The following CSMD3 variants were observed in gnomAD, a reference collection of about 807,000 sequenced individuals.
The protein encoded by CSMD3 is CUB and Sushi multiple domains 3.
In CSMD3, 177 loss-of-function variants were observed where a neutral mutation model predicts 435.2. The ratio of observed to expected loss-of-function variants is 0.41; its 90% CI spans 0.36 to 0.46. The LOEUF is 0.46. Among genes scored for constraint, CSMD3 ranks in the 20% least tolerant of loss-of-function variants. CSMD3 has a pLI of 0.34. For synonymous variants in CSMD3, 1,656 were observed against 1,520.5 expected (o/e 1.09, Z -2.07); for missense variants, 4,265 against 4,504.6 (o/e 0.95, Z 1.52).
chr8:112,660,209 A>G (rs73700766), intron 17 of CSMD3, among the ~76,000 whole-genome samples: 5,270 of 152,222 alleles, frequency 0.035, 297 homozygotes, highest in African/African-American at 0.12. Context: ...ATTATGTGTT[A>G]GATACTTTAG....
At chr8:113,205,624 A>G (rs2092762419) in intron 3 of CSMD3, among the ~76,000 whole-genome samples, 1 of 152,186 alleles carries the variant, frequency 6.6e-6, no homozygotes, top group South Asian at 2.1e-4. Flanking sequence ...GCATGACTTA[A>G]CAGAATGTGC....
chr8:112,328,549 GAGAA>G (rs1823731663), intron 45 of CSMD3, among the ~76,000 whole-genome samples: 1 of 152,126 alleles, frequency 6.6e-6, no homozygotes, highest in Admixed American at 6.6e-5. Context: ...TTAGAGATGC[GAGAA>G]AGAAAGTTTC....
At chr8:112,247,819 T>A (rs575333535) in intron 63 of CSMD3, among the ~76,000 whole-genome samples, 1 of 152,302 alleles carries the variant, frequency 6.6e-6, no homozygotes, top group African/African-American at 2.4e-5. Context: ...ACCAATAATC[T>A]GTTTTAACAA....
chr8:113,309,721 A>G (rs955885374), intron 2 of CSMD3: 1 of 152,188 alleles, frequency 6.6e-6, no homozygotes, highest in African/African-American at 2.4e-5. Flanking sequence ...TTTAGAAATA[A>G]TATTTATTTA....
chr8:112,242,072 T>G (rs1429061744), intron 65 of CSMD3, among the ~76,000 whole-genome samples: 2 of 152,158 alleles, frequency 1.3e-5, no homozygotes. Flanking sequence ...CATTTCTTAT[T>G]TTAGAGGCAT....
At chr8:112,923,990 C>T (rs1417332981) in intron 9 of CSMD3, among the ~76,000 whole-genome samples, 1 of 151,800 alleles carries the variant, frequency 6.6e-6, no homozygotes, top group Non-Finnish European at 1.5e-5. Context: ...CAAGAAAGAG[C>T]AAGAAAAATA....
At chr8:113,102,834 A>G (rs371803294) in intron 4 of CSMD3, among the ~76,000 whole-genome samples, 7 of 152,222 alleles carry the variant, frequency 4.6e-5, no homozygotes, top group African/African-American at 1.7e-4. Flanking sequence ...TGACAAAGGT[A>G]TGGAATTTAT....
chr8:113,392,830 C>G (rs888303172), intron 1 of CSMD3, among the ~76,000 whole-genome samples: 1 of 151,778 alleles, frequency 6.6e-6, no homozygotes, highest in Non-Finnish European at 1.5e-5. Flanking sequence ...AACCAACAGT[C>G]AAAAGCAAGG....
chr8:112,827,160 C>T (rs1242052697), intron 12 of CSMD3, among the ~76,000 whole-genome samples: 2 of 38,704 alleles, frequency 5.2e-5, no homozygotes, highest in South Asian at 1.2e-3. Flanking sequence ...ACTAGGTTAC[C>T]ATAAATATAT....
At chr8:112,271,222 AT>A (rs1420226078) in intron 59 of CSMD3, among the ~76,000 whole-genome samples, 9 of 152,340 alleles carry the variant, frequency 5.9e-5, no homozygotes, top group Middle Eastern at 6.8e-3. Context: ...TCTGACAAAA[AT>A]ATCATTGATA....
chr8:113,346,739 A>T (rs1194111684), intron 1 of CSMD3, among the ~76,000 whole-genome samples: 8 of 152,154 alleles, frequency 5.3e-5, no homozygotes, highest in Admixed American at 5.2e-4. Context: ...ATCACAAAGC[A>T]TTAAAATTAT....
rs536852755 is a variant in CSMD3 at position 113,058,770 on chromosome 8, T to C, written c.918-39591A>G. On this transcript the variant is annotated intron_variant, in intron 5 of 70. Coordinates refer to ENST00000297405, the MANE Select transcript of CSMD3 (RefSeq NM_198123.2). ...TACCTGTAAACTCCACATTTTCTTA[T>C]GGCTTCACTTATTTTAAAGTGCTGA... Among the ~76,000 whole-genome samples, 66 of 152,130 alleles carry C rather than the reference T, an allele frequency of 4.3e-4. 2 individuals carry two copies. The South Asian group carries it at 0.011, about 26-fold the overall frequency.
intron 13 of CSMD3, among the ~76,000 whole-genome samples, chr8:112,796,934 A>C (rs1260464907): frequency 1.3e-5 from 2 of 152,144 alleles, no homozygotes; most frequent in African/African-American, 4.8e-5. Context: ...TACAGTAATC[A>C]GCACACTGTC....
chr8:112,285,297 C>A (rs74348804), intron 58 of CSMD3, among the ~76,000 whole-genome samples: 4,218 of 152,054 alleles, frequency 0.028, 215 homozygotes, highest in African/African-American at 0.095. Context: ...ATTAAAAAGA[C>A]CTTGACTTTG....
chr8:112,754,913 C>T (rs1023145088), intron 13 of CSMD3, among the ~76,000 whole-genome samples: 2 of 152,154 alleles, frequency 1.3e-5, no homozygotes, highest in African/African-American at 4.8e-5. Context: ...AGGAGAAATA[C>T]ATATTCTTAG....
chr8:113,326,538 T>C (rs2093985119), intron 1 of CSMD3, among the ~76,000 whole-genome samples: 1 of 152,160 alleles, frequency 6.6e-6, no homozygotes, highest in Admixed American at 6.5e-5. Context: ...TATTATTTTA[T>C]TAAATCTCTA....
intron 5 of CSMD3, among the ~76,000 whole-genome samples, chr8:113,058,170 A>G (rs1008787150): frequency 1.3e-5 from 2 of 151,950 alleles, no homozygotes; most frequent in Non-Finnish European, 2.9e-5. Context: ...CTTCTTTCAA[A>G]TAAATTTTAT....
chr8:112,506,002 G>T (rs1211647844), intron 29 of CSMD3, among the ~76,000 whole-genome samples: 1 of 151,940 alleles, frequency 6.6e-6, no homozygotes, highest in Admixed American at 6.6e-5. Flanking sequence ...TCTAATGTCC[G>T]TATTGATGTT....
chr8:113,158,558 G>A (rs1215958043), intron 4 of CSMD3, among the ~76,000 whole-genome samples: 1 of 151,972 alleles, frequency 6.6e-6, no homozygotes, highest in Non-Finnish European at 1.5e-5. Flanking sequence ...TTGAAACAGG[G>A]AGTGATTATT....
Sources: allele counts gnomAD v4.1 joint callset (sites outside exome capture counted in the v4.1 genomes callset), GRCh38; gene constraint gnomAD v4.1.1; transcripts MANE v1.5; gene names NCBI Gene and HGNC (gene_info 2026-07-23, HGNC 2026-07-21).